GUCY1A2: variants seen among roughly 807,000 people sequenced by gnomAD.
GUCY1A2 encodes the protein guanylate cyclase soluble subunit alpha-2.
In GUCY1A2, 27 loss-of-function variants were observed where a neutral mutation model predicts 63.5. The observed-to-expected ratio is 0.43, with a 90% CI of 0.31 to 0.59. GUCY1A2 has a LOEUF of 0.59. GUCY1A2 is among the 20% of genes least tolerant of loss of function. GUCY1A2 has a pLI of 0.11. For missense variants in GUCY1A2, 768 were observed against 913.3 expected (o/e 0.84, Z 2.05); for synonymous variants, 364 against 343.5 (o/e 1.06, Z -0.66).
At chr11:106,893,834 C>T (rs1349660243) in intron 4 of GUCY1A2, among the ~76,000 whole-genome samples, 1 of 152,028 alleles carries the variant, frequency 6.6e-6, no homozygotes, top group Non-Finnish European at 1.5e-5. Flanking sequence ...TCGGTGTCGA[C>T]AAGTCTGAGA....
At chr11:106,805,521 C>G (rs1858671784) in intron 5 of GUCY1A2, among the ~76,000 whole-genome samples, 1 of 152,190 alleles carries the variant, frequency 6.6e-6, no homozygotes. Context: ...GCTGGGATTA[C>G]AGGCGTGAGC....
intron 4 of GUCY1A2, among the ~76,000 whole-genome samples, chr11:106,877,628 A>G (rs1343364535): frequency 6.6e-6 from 1 of 152,160 alleles, no homozygotes; most frequent in East Asian, 1.9e-4. Flanking sequence ...AATTAACTCA[A>G]GATAGATTAA....
At chr11:106,803,161 G>GT (rs1422176651) in intron 5 of GUCY1A2, among the ~76,000 whole-genome samples, 4 of 152,120 alleles carry the variant, frequency 2.6e-5, no homozygotes, top group Admixed American at 6.6e-5. Flanking sequence ...TCAGGCTGCC[G>GT]TATTAGAATA....
rs1351004505 is a variant in GUCY1A2, at chr11:106,683,273, T to A, written c.*4276A>T. On this transcript the variant is annotated 3_prime_UTR_variant, in exon 8 of 8. Transcript: ENST00000526355. ...TCTATAATCTAATAGTAGAAAAAACTAAGCTACGATATAGGGCTTGGTTCT... is the reference window on the plus strand; with the variant it reads ...TCTATAATCTAATAGTAGAAAAAACAAAGCTACGATATAGGGCTTGGTTCT... 9.1e-6 allele frequency: 2 copies of A among 219,400 alleles called. No homozygotes were observed. The highest frequency in any genetic ancestry group is 4.5e-5 in the African/African-American group (2 of 44,606). The allele number at this position is 219,400 out of a possible 1,614,324, so 13.6% of individuals were successfully genotyped here.
At chr11:106,823,077 C>T (rs1346792001) in intron 4 of GUCY1A2, among the ~76,000 whole-genome samples, 1 of 151,926 alleles carries the variant, frequency 6.6e-6, no homozygotes. Flanking sequence ...AAAATAAAAA[C>T]AATCACTTAT....
chr11:106,904,212 G>A (rs1181931234), intron 4 of GUCY1A2, among the ~76,000 whole-genome samples: 5 of 151,994 alleles, frequency 3.3e-5, no homozygotes, highest in East Asian at 1.9e-4. Flanking sequence ...ACAAAGCTGC[G>A]GCTAATTATC....
intron 1 of GUCY1A2, among the ~76,000 whole-genome samples, chr11:107,009,178 T>A (rs1361052259): frequency 6.6e-6 from 1 of 152,142 alleles, no homozygotes; most frequent in African/African-American, 2.4e-5. Context: ...ATGCAGAGAT[T>A]AGGAAGCATT....
At chr11:106,752,541 G>A (rs1399760318) in intron 6 of GUCY1A2, among the ~76,000 whole-genome samples, 2 of 151,840 alleles carry the variant, frequency 1.3e-5, no homozygotes, top group East Asian at 3.9e-4. Flanking sequence ...GCCCTGGTGT[G>A]TGATGTTCCC....
At chr11:106,986,961 C>A (rs1228447570) in intron 1 of GUCY1A2, among the ~76,000 whole-genome samples, 3 of 152,168 alleles carry the variant, frequency 2.0e-5, no homozygotes, top group Non-Finnish European at 2.9e-5. Flanking sequence ...GCAACAGAGA[C>A]TGAACTTGGA....
rs1374485797 is a variant in GUCY1A2 at position 106,676,211 on chromosome 11, G to C, written c.*11338C>G. On this transcript the variant is annotated 3_prime_UTR_variant, in exon 8 of 8. Transcript: ENST00000526355. ...CAAGATTTGTTCAAATTATTATAAA[G>C]TCAATTAGAAATACCTACAATGGAA... is the stretch of plus-strand genomic sequence containing the variant. The C allele has an allele frequency of 5.5e-6, 1 of 180,720 alleles. No homozygotes were observed. Among genetic ancestry groups the C allele is most frequent in the African/African-American group, 2.4e-5 (1 of 42,372 alleles). 11.2% of individuals were successfully genotyped at this position (180,720 alleles called of 1,614,324 possible).
chr11:106,818,320 C>G (rs1411176348), intron 4 of GUCY1A2, among the ~76,000 whole-genome samples: 2 of 152,112 alleles, frequency 1.3e-5, no homozygotes, highest in African/African-American at 4.8e-5. Flanking sequence ...ATTTCAAGCT[C>G]TTTCATTATT....
At chr11:106,799,027 C>A (rs1864820390) in intron 5 of GUCY1A2, among the ~76,000 whole-genome samples, 1 of 152,114 alleles carries the variant, frequency 6.6e-6, no homozygotes, top group Non-Finnish European at 1.5e-5. Flanking sequence ...TTGTCTCAGC[C>A]CCAAATCTCC....
Position 106,858,497 on chromosome 11 carries a change from CT to C in GUCY1A2, c.1207-48020del, listed in dbSNP as rs553637978. Among the ~76,000 whole-genome samples, 693 of 152,042 alleles carry C rather than the reference CT, an allele frequency of 4.6e-3. 3 individuals carry two copies. The highest frequency in any genetic ancestry group is 7.0e-3 in the Non-Finnish European group (478 of 67,952). Reference sequence around the variant, plus strand: ...TATCTCTGTTTTATAGATGAGAAAACTGAGACTATGGGGAATTAGGAAACTT... The same window carrying C: ...TATCTCTGTTTTATAGATGAGAAAACGAGACTATGGGGAATTAGGAAACTT... On this transcript the variant is annotated intron_variant, in intron 4 of 7. Transcript: ENST00000526355.
intron 6 of GUCY1A2, among the ~76,000 whole-genome samples, chr11:106,731,073 T>C (rs1373894592): frequency 6.6e-6 from 1 of 152,158 alleles, no homozygotes; most frequent in Non-Finnish European, 1.5e-5. Flanking sequence ...GATAGTTTCT[T>C]TTGGTGTGCA....
chr11:106,818,405 C>A (rs11211932), intron 4 of GUCY1A2, among the ~76,000 whole-genome samples: 49,288 of 151,670 alleles, frequency 0.32, 8,752 homozygotes, highest in Admixed American at 0.45. Flanking sequence ...CCACAAACCA[C>A]ACCCGTATAA....
intron 1 of GUCY1A2, among the ~76,000 whole-genome samples, chr11:107,009,449 C>G (rs949047398): frequency 2.0e-5 from 3 of 152,194 alleles, no homozygotes; most frequent in Admixed American, 2.0e-4. Flanking sequence ...TTCACCCTCA[C>G]AACCACCCTT....
chr11:106,713,188 C>T (rs1863151639), intron 6 of GUCY1A2, among the ~76,000 whole-genome samples: 1 of 152,182 alleles, frequency 6.6e-6, no homozygotes, highest in Non-Finnish European at 1.5e-5. Context: ...GAATCACTAT[C>T]TTCCATTGTC....
rs930364493 is a variant in GUCY1A2 at position 106,907,050 on chromosome 11, A to T, written c.1206+32410T>A. Among the ~76,000 whole-genome samples the T allele has an allele frequency of 4.6e-5, 7 of 152,134 alleles. No homozygotes were observed. The East Asian group carries it at 1.3e-3, about 29-fold the overall frequency. On this transcript the variant is annotated intron_variant, in intron 4 of 7. Transcript: ENST00000526355. The stretch of plus-strand genomic sequence containing the variant: ...GTATATCTAAGTAACAAAACTGCAC[A>T]TTCTGCACATGTACCCCAGAACTTA...
chr11:106,688,101 G>C (rs539419690), intron 7 of GUCY1A2, among the ~76,000 whole-genome samples: 1 of 152,062 alleles, frequency 6.6e-6, no homozygotes, highest in African/African-American at 2.4e-5. Flanking sequence ...CATAATACAG[G>C]TTTTATTTCA....
Sources: allele counts gnomAD v4.1 joint callset (sites outside exome capture counted in the v4.1 genomes callset), GRCh38; gene constraint gnomAD v4.1.1; transcripts MANE v1.5; gene names NCBI Gene and HGNC (gene_info 2026-07-23, HGNC 2026-07-21).